The following ZZEF1 variants were observed in gnomAD, a reference collection of about 807,000 sequenced individuals.
ZZEF1 encodes the protein zinc finger ZZ-type and EF-hand domain containing 1.
Under a neutral mutation model 342.8 loss-of-function variants are expected in ZZEF1, and 157 were observed. The ratio of observed to expected loss-of-function variants is 0.46; its 90% CI spans 0.40 to 0.52. The LOEUF (loss-of-function observed/expected upper bound fraction) is 0.52. Among genes scored for constraint, ZZEF1 ranks in the 20% least tolerant of loss-of-function variants. The probability of loss-of-function intolerance (pLI) is 0.00; values close to 1 mark genes in which losing one functional copy is unlikely to be tolerated. For missense variants in ZZEF1, 3,480 were observed against 3,725.6 expected (o/e 0.93, Z 1.72); for synonymous variants, 1,505 against 1,429.1 (o/e 1.05, Z -1.20).
At chr17:4,091,160 A>G (rs2057936341) in intron 11 of ZZEF1, among the ~76,000 whole-genome samples, 1 of 152,222 alleles carries the variant, frequency 6.6e-6, no homozygotes, top group African/African-American at 2.4e-5. Context: ...AACAGCTGGC[A>G]TGTGCTTCTG....
At position 4,088,693 on chromosome 17, in the gene ZZEF1, C is replaced by T. The variant is rs374028743; in HGVS notation, c.2226G>A (p.Gln742=). The change falls in exon 13 of 55, where the codon CAG becomes CAA. Residue 742 remains glutamine, a synonymous_variant. Transcript: ENST00000381638. The stretch of plus-strand genomic sequence containing the variant: ...GAAGCCCTACCAGGTCATGGGCGAG[C>T]TGCTGGATAAACTGAAGGGTCCTGA... ...LLLRTLQFIQ[Q]LAHDLVQQKE... 1.1e-4 allele frequency: 178 copies of T among 1,613,794 alleles called. No individual in the cohort carries two copies. Among genetic ancestry groups the T allele is most frequent in the Non-Finnish European group, 1.4e-4 (169 of 1,180,044 alleles).
chr17:4,077,794 C>T, intron 19 of ZZEF1, 89 bp downstream of exon 19: 1 of 1,356,330 alleles, frequency 7.4e-7, no homozygotes, highest in Admixed American at 1.9e-5. Context: ...GCCATATGCA[C>T]ACTCATTGCA....
chr17:4,053,983 T>A lies in ZZEF1; in HGVS notation c.5434+74A>T, dbSNP rs753572438. 6 of 1,500,174 alleles carry A rather than the reference T, an allele frequency of 4.0e-6. No individual in the cohort carries two copies. In the East Asian group the frequency reaches 9.4e-5, roughly 24 times the overall value. The allele number at this position is 1,500,174 out of a possible 1,614,324, so 92.9% of individuals were successfully genotyped here. ...TTTGATTTAGTACACTGAGAGTTTT[T>A]AAAAATGACAAGATCATAGAAATCA... On this transcript the variant is annotated intron_variant, in intron 34 of 54. Transcript: ENST00000381638.
intron 2 of ZZEF1, among the ~76,000 whole-genome samples, chr17:4,122,318 T>C (rs1291753355): frequency 1.3e-5 from 2 of 152,092 alleles, no homozygotes; most frequent in Non-Finnish European, 2.9e-5. Context: ...ATTATGATTC[T>C]GTCTTTACGT....
In ZZEF1 at chr17:4,090,811, C is replaced by A. The variant is rs1455954200; in HGVS notation, c.1933G>T (p.Asp645Tyr). Residue 645 changes from aspartate (D) to tyrosine (Y), a missense_variant, in exon 12 of 55, where the codon GAC becomes TAC. By Grantham distance (160) the Asp-to-Tyr change is radical. This residue lies in a region of ZZEF1 where 1,528 missense variants were observed against 1,624.1 expected (regional missense o/e 0.94). Transcript: ENST00000381638. ...CCAATAGGATCATCCTCTCCAAGGT[C>A]ATCAGATGAGCAACCAATCCTGTAA... ...VKSRIGCSSD[D>Y]LGEDDPIGWF... is the part of the protein sequence containing the mutation. 1 of 1,613,940 alleles carries A rather than the reference C, an allele frequency of 6.2e-7. No individual in the cohort carries two copies. The highest frequency in any genetic ancestry group is 1.3e-5 in the African/African-American group (1 of 74,940).
At chr17:4,105,837 CAG>C (rs1342308457) in intron 6 of ZZEF1, 28 bp from the exon 7 acceptor site, 1 of 1,571,376 alleles carries the variant, frequency 6.4e-7, no homozygotes, top group Non-Finnish European at 8.7e-7. Flanking sequence ...AAAATGTAAT[CAG>C]AACAAAACCA....
At chr17:4,044,013 A>C (rs1469819946) in intron 38 of ZZEF1, among the ~76,000 whole-genome samples, 3 of 152,242 alleles carry the variant, frequency 2.0e-5, no homozygotes, top group Non-Finnish European at 4.4e-5. Flanking sequence ...GAAAGCACTT[A>C]GTAAATACAG....
intron 42 of ZZEF1, among the ~76,000 whole-genome samples, chr17:4,028,340 G>C (rs192292339): frequency 2.5e-4 from 38 of 152,244 alleles, no homozygotes; most frequent in Non-Finnish European, 4.9e-4. Context: ...CCTGACTCAG[G>C]AGTTCAAGAC....
intron 39 of ZZEF1, among the ~76,000 whole-genome samples, chr17:4,041,957 A>T (rs1228921325): frequency 6.6e-6 from 1 of 152,162 alleles, no homozygotes; most frequent in Non-Finnish European, 1.5e-5. Flanking sequence ...GTATAAAACT[A>T]TTCTATCAAT....
chr17:4,022,595 G>A, intron 44 of ZZEF1, 114 bp downstream of exon 44: 3 of 1,489,134 alleles, frequency 2.0e-6, no homozygotes, highest in Non-Finnish European at 2.8e-6. Flanking sequence ...TTTCAACACT[G>A]TACTAAAGGA....
At chr17:4,042,314 ATCC>A (rs1221466885) in intron 39 of ZZEF1, 112 bp downstream of exon 39, 1 of 1,164,714 alleles carries the variant, frequency 8.6e-7, no homozygotes. Context: ...ATAACTTCTA[ATCC>A]TACCCTTAAG....
intron 5 of ZZEF1, among the ~76,000 whole-genome samples, chr17:4,111,889 T>C (rs2058308533): frequency 6.9e-6 from 1 of 145,484 alleles, no homozygotes; most frequent in African/African-American, 2.5e-5. Flanking sequence ...GTAAAGAAAT[T>C]AGCCAGGCAT....
At chr17:4,051,101 A>T (rs940619083) in intron 35 of ZZEF1, 58 bp from the exon 36 acceptor site, 1 of 1,612,554 alleles carries the variant, frequency 6.2e-7, no homozygotes, top group African/African-American at 1.3e-5. Context: ...TGTGGCTCCA[A>T]ACAGGAGCAC....
chr17:4,018,873 G>T (rs753750900), intron 46 of ZZEF1, among the ~76,000 whole-genome samples: 1 of 151,890 alleles, frequency 6.6e-6, no homozygotes, highest in Non-Finnish European at 1.5e-5. Flanking sequence ...GGCTAGAACC[G>T]AGAGGTGGGG....
intron 2 of ZZEF1, among the ~76,000 whole-genome samples, chr17:4,120,711 T>A (rs1448665906): frequency 1.3e-5 from 2 of 152,032 alleles, no homozygotes; most frequent in Non-Finnish European, 2.9e-5. Flanking sequence ...GAGGCCAAGG[T>A]AGGTGGAATG....
At chr17:4,087,943 A>G (rs2057869691) in intron 13 of ZZEF1, among the ~76,000 whole-genome samples, 1 of 152,178 alleles carries the variant, frequency 6.6e-6, no homozygotes, top group Non-Finnish European at 1.5e-5. Flanking sequence ...ACTGAAAGGT[A>G]TCAATCCTTC....
intron 39 of ZZEF1, among the ~76,000 whole-genome samples, chr17:4,037,170 T>A (rs62072397): frequency 0.12 from 17,853 of 151,940 alleles, 1,110 homozygotes; most frequent in Non-Finnish European, 0.14. Flanking sequence ...ATAAATAAAT[T>A]GTTTGATGAG....
intron 1 of ZZEF1, among the ~76,000 whole-genome samples, chr17:4,142,131 C>T (rs1265052323): frequency 6.6e-6 from 1 of 152,138 alleles, no homozygotes; most frequent in African/African-American, 2.4e-5. Context: ...ACTTATTCGG[C>T]GCCCACACTG....
Position 4,049,801 on chromosome 17 carries a change from ATCT to A in ZZEF1, c.5919_5921del (p.Glu1973del). 1 of 1,614,134 alleles carries A rather than the reference ATCT, an allele frequency of 6.2e-7. No individual in the cohort carries two copies. The highest frequency in any genetic ancestry group is 1.1e-5 in the South Asian group (1 of 91,080). ...TGGGCACAGTGACTGGTAGGGCCTG[ATCT>A]TCTAGGCTCGAGTCCCCATCTGGCA... On this transcript the variant is annotated inframe_deletion, in exon 37 of 55. Coordinates refer to ENST00000381638, the MANE Select transcript of ZZEF1 (RefSeq NM_015113.4).
Sources: gnomAD v4.1 joint callset for allele counts (sites outside exome capture counted in the v4.1 genomes callset) on GRCh38, gnomAD v4.1.1 for gene constraint, gnomAD v4.1.1 regional missense constraint, MANE v1.5 for transcripts, NCBI Gene and HGNC (gene_info 2026-07-23, HGNC 2026-07-21) for gene names.